Variants in FAM13B observed in about 807,000 individuals in gnomAD.
FAM13B encodes family with sequence similarity 13 member B.
Under a neutral mutation model 117.3 loss-of-function variants are expected in FAM13B, and 60 were observed. The ratio of observed to expected loss-of-function variants is 0.51; its 90% CI spans 0.42 to 0.63. The LOEUF (loss-of-function observed/expected upper bound fraction) is 0.63. FAM13B is among the 30% of genes least tolerant of loss of function. FAM13B has a pLI of 0.00. For missense variants in FAM13B, 972 were observed against 1,091.9 expected (o/e 0.89, Z 1.55); for synonymous variants, 332 against 356.1 (o/e 0.93, Z 0.76).
At chr5:138,016,198 C>T (rs190843360) in intron 4 of FAM13B, among the ~76,000 whole-genome samples, 19 of 151,998 alleles carry the variant, frequency 1.3e-4, no homozygotes, top group Admixed American at 3.9e-4. Context: ...AGGGTAAATG[C>T]GCAATTTTTG....
chr5:137,961,267 G>A (rs1768021252), intron 11 of FAM13B, among the ~76,000 whole-genome samples: 1 of 152,030 alleles, frequency 6.6e-6, no homozygotes, highest in Admixed American at 6.6e-5. Flanking sequence ...AAACCAGTTT[G>A]CTAACTTATA....
rs869194123 is a variant in FAM13B at position 138,025,313 on chromosome 5, AT to A, written c.-202-4117del. ...CATATATATATATATATATATATGT[AT>A]TTTTTTTTTTTTTTTTTTTGAGTTG... On this transcript the variant is annotated intron_variant, in intron 1 of 23. Coordinates refer to ENST00000689681, the MANE Select transcript of FAM13B (RefSeq NM_001385994.1). Among the ~76,000 whole-genome samples the A allele has an allele frequency of 1.3e-3, 145 of 111,186 alleles. 1 individual carries two copies. Among genetic ancestry groups the A allele is most frequent in the African/African-American group, 4.3e-3 (129 of 30,060 alleles). 72.9% of individuals were successfully genotyped at this position (111,186 alleles called of 152,430 possible).
chr5:137,955,704 T>A (rs1369343766), intron 14 of FAM13B, among the ~76,000 whole-genome samples: 1 of 152,192 alleles, frequency 6.6e-6, no homozygotes, highest in Non-Finnish European at 1.5e-5. Flanking sequence ...CGATCTTGAC[T>A]CACTGCAACC....
At chr5:137,987,437 A>G in intron 9 of FAM13B, 24 bp downstream of exon 9, 1 of 1,581,862 alleles carries the variant, frequency 6.3e-7, no homozygotes, top group Non-Finnish European at 8.6e-7. Flanking sequence ...AACATTTAAT[A>G]AACAACAGTA....
chr5:137,952,658 C>G lies in FAM13B; in HGVS notation c.1900G>C (p.Glu634Gln). 6.2e-7 allele frequency: 1 copy of G among 1,604,786 alleles called. No individual in the cohort carries two copies. The highest frequency in any genetic ancestry group is 8.5e-7 in the Non-Finnish European group (1 of 1,175,140). The change falls in exon 17 of 24, where the codon GAG becomes CAG. Residue 634 changes from glutamate (E) to glutamine (Q), a missense_variant. Coordinates refer to ENST00000689681, the MANE Select transcript of FAM13B (RefSeq NM_001385994.1). Reference sequence around the variant, plus strand: ...ATTTGCTTCCGCAGTTTTGTAAGCTCTGTCATCCATTTTAATACCTTTGGA... The same window carrying G: ...ATTTGCTTCCGCAGTTTTGTAAGCTGTGTCATCCATTTTAATACCTTTGGA... ...ANPKVLKWMT[E>Q]LTKLRKQIKD...
chr5:138,034,425 A>T (rs930105772), upstream of FAM13B, among the ~76,000 whole-genome samples: 1 of 152,202 alleles, frequency 6.6e-6, no homozygotes, highest in Non-Finnish European at 1.5e-5. Context: ...TCTGATTCCA[A>T]ACTCAGCTAG....
chr5:137,962,028 T>C (rs1177494189), intron 11 of FAM13B, among the ~76,000 whole-genome samples: 2 of 152,202 alleles, frequency 1.3e-5, no homozygotes, highest in African/African-American at 2.4e-5. Context: ...CTATACATAT[T>C]TGTTGAATCA....
intron 7 of FAM13B, among the ~76,000 whole-genome samples, chr5:137,994,450 T>G (rs1235884140): frequency 2.0e-5 from 3 of 152,218 alleles, no homozygotes; most frequent in South Asian, 4.1e-4. Context: ...AGCCCTGATA[T>G]ATCAGCCAGG....
chr5:137,951,124 C>T lies in FAM13B; in HGVS notation c.1930+1504G>A, dbSNP rs142266274. Among the ~76,000 whole-genome samples the T allele has an allele frequency of 1.3e-3, 188 of 147,324 alleles. 4 individuals carry two copies. Among genetic ancestry groups the T allele is most frequent in the Middle Eastern group, 0.01 (3 of 286 alleles). On this transcript the variant is annotated intron_variant, in intron 17 of 23. Coordinates refer to ENST00000689681, the MANE Select transcript of FAM13B (RefSeq NM_001385994.1). ...ACTCGGGATGCTGAGGTGGGAGGAT[C>T]GCTTCAGCCCGGGAGGTGGAAGCTG...
At chr5:137,949,329 G>A in intron 17 of FAM13B, 145 bp from the exon 18 acceptor site, 2 of 658,830 alleles carry the variant, frequency 3.0e-6, no homozygotes, top group Non-Finnish European at 2.6e-6. Context: ...CATTTAAGAA[G>A]CAAAAAACAG....
intron 10 of FAM13B, among the ~76,000 whole-genome samples, chr5:137,971,637 T>C (rs1426361665): frequency 5.9e-5 from 9 of 151,638 alleles, no homozygotes; most frequent in East Asian, 1.9e-4. Flanking sequence ...GAAATAGAGA[T>C]ACAAAAAACC....
At chr5:138,028,180 A>G (rs2151052273) in intron 1 of FAM13B, among the ~76,000 whole-genome samples, 1 of 152,324 alleles carries the variant, frequency 6.6e-6, no homozygotes, top group East Asian at 1.9e-4. Flanking sequence ...AGAGGGCTCT[A>G]TTGCTTAAAA....
intron 4 of FAM13B, among the ~76,000 whole-genome samples, chr5:138,015,469 A>G (rs554083230): frequency 1.3e-5 from 2 of 152,310 alleles, no homozygotes; most frequent in South Asian, 4.1e-4. Flanking sequence ...CTGGGAGGCC[A>G]AGGTGGGCAG....
At chr5:137,953,516 G>T (rs532331941) in intron 15 of FAM13B, 51 bp from the exon 16 acceptor site, 5 of 1,585,992 alleles carry the variant, frequency 3.2e-6, no homozygotes, top group Non-Finnish European at 4.3e-6. Flanking sequence ...TACCAACACT[G>T]TATCTCTTAT....
At chr5:137,988,129 T>C in intron 8 of FAM13B, 145 bp downstream of exon 8, 1 of 486,096 alleles carries the variant, frequency 2.1e-6, no homozygotes, top group Non-Finnish European at 3.6e-6. Context: ...TCTTCATTTG[T>C]TCCTATCACA....
chr5:138,018,646 A>G, intron 3 of FAM13B, 132 bp from the exon 4 acceptor site: 1 of 776,160 alleles, frequency 1.3e-6, no homozygotes, highest in Non-Finnish European at 2.1e-6. Flanking sequence ...CTTGTCTAAA[A>G]ACCTTCAAAT....
intron 1 of FAM13B, among the ~76,000 whole-genome samples, chr5:138,026,887 C>T (rs954344362): frequency 2.9e-4 from 44 of 150,338 alleles, no homozygotes; most frequent in African/African-American, 8.8e-4. Flanking sequence ...TACAGTGAGC[C>T]GAGATCGCGC....
At chr5:138,036,203 TAA>T, upstream of FAM13B, 1 of 353,386 alleles carries the variant, frequency 2.8e-6, no homozygotes. Context: ...CAGGTGGCAG[TAA>T]AGTGTTTTGT....
rs752927404 is a variant in FAM13B, at chr5:138,011,960, T to C, written c.371-15A>G. 13 of 1,541,674 alleles carry C rather than the reference T, an allele frequency of 8.4e-6. No individual in the cohort carries two copies. The East Asian group carries it at 1.2e-4, about 14-fold the overall frequency. ...ATTATTATAATCTATAAAACAATAA[T>C]AACAGGTTTTTTTCAATAAAGGAAA... On this transcript the variant is annotated splice_polypyrimidine_tract_variant and intron_variant, in intron 4 of 23. Coordinates refer to ENST00000689681, the MANE Select transcript of FAM13B (RefSeq NM_001385994.1).
Sources: gnomAD v4.1 joint callset for allele counts (sites outside exome capture counted in the v4.1 genomes callset) on GRCh38, gnomAD v4.1.1 for gene constraint, MANE v1.5 for transcripts, NCBI Gene and HGNC (gene_info 2026-07-23, HGNC 2026-07-21) for gene names.